The following ABLIM1 variants were observed in gnomAD, a reference collection of about 807,000 sequenced individuals.
The protein encoded by ABLIM1 is actin-binding LIM protein 1.
Under a neutral mutation model 107.0 loss-of-function variants are expected in ABLIM1, and 40 were observed. That is an observed-to-expected ratio of 0.37 (90% CI 0.29 to 0.49). The LOEUF (loss-of-function observed/expected upper bound fraction) is 0.49. Ranked by LOEUF, ABLIM1 falls within the 20% of genes least tolerant of loss-of-function variation. The pLI, the probability that ABLIM1 is intolerant of heterozygous loss-of-function variation, is 0.97. For missense variants in ABLIM1, 857 were observed against 1,008.5 expected (o/e 0.85, Z 2.04); for synonymous variants, 357 against 357.3 (o/e 1.00, Z 0.01).
intron 6 of ABLIM1, among the ~76,000 whole-genome samples, chr10:114,544,445 G>A (rs954596411): frequency 7.9e-5 from 12 of 152,216 alleles, no homozygotes; most frequent in Admixed American, 7.2e-4. Flanking sequence ...CAGGAAGAAA[G>A]CTCCCTAGCT....
chr10:114,484,456 C>T (rs919607149), intron 8 of ABLIM1, among the ~76,000 whole-genome samples: 3 of 152,122 alleles, frequency 2.0e-5, no homozygotes, highest in Non-Finnish European at 2.9e-5. Flanking sequence ...AATCTTGGCT[C>T]ACTGCAACCT....
chr10:114,614,964 C>T (rs554772478), intron 1 of ABLIM1, among the ~76,000 whole-genome samples: 6 of 151,396 alleles, frequency 4.0e-5, no homozygotes, highest in South Asian at 4.2e-4. Context: ...GCAGGAGAAT[C>T]GCTTGAACCT....
chr10:114,644,351 C>CAT (rs1265970187), intron 1 of ABLIM1, among the ~76,000 whole-genome samples: 22 of 103,912 alleles, frequency 2.1e-4, no homozygotes, highest in African/African-American at 6.5e-4. Context: ...TGTATATATA[C>CAT]ATATATATAT....
chr10:114,757,154 CATA>C (rs2082648052), intron 1 of ABLIM1, among the ~76,000 whole-genome samples: 1 of 152,064 alleles, frequency 6.6e-6, no homozygotes, highest in African/African-American at 2.4e-5. Flanking sequence ...AAAATTATCC[CATA>C]ATGAGAAACC....
At chr10:114,628,855 C>T (rs370507941) in intron 1 of ABLIM1, among the ~76,000 whole-genome samples, 1 of 151,946 alleles carries the variant, frequency 6.6e-6, no homozygotes, top group African/African-American at 2.4e-5. Flanking sequence ...ACTATAACAC[C>T]CATTAGCTAG....
chr10:114,549,164 C>T (rs187743086), intron 4 of ABLIM1, among the ~76,000 whole-genome samples: 37 of 152,308 alleles, frequency 2.4e-4, no homozygotes, highest in Admixed American at 2.1e-3. Flanking sequence ...GCGGATGGAT[C>T]ACCTGAGGTC....
At chr10:114,518,205 T>A (rs1420758260) in intron 6 of ABLIM1, among the ~76,000 whole-genome samples, 1 of 152,088 alleles carries the variant, frequency 6.6e-6, no homozygotes, top group Admixed American at 6.6e-5. Context: ...GAACTCTACA[T>A]CCTATATGAA....
At chr10:114,743,078 G>T (rs1475985056) in intron 1 of ABLIM1, among the ~76,000 whole-genome samples, 1 of 152,134 alleles carries the variant, frequency 6.6e-6, no homozygotes, top group Non-Finnish European at 1.5e-5. Context: ...CTACTAATAA[G>T]TAGTATACGT....
the ABLIM1 span, among the ~76,000 whole-genome samples, chr10:114,781,321 T>C: frequency 1.3e-5 from 2 of 151,860 alleles, no homozygotes; most frequent in African/African-American, 4.8e-5. Flanking sequence ...CTGGGCAACA[T>C]GGTGAAACCC....
chr10:114,695,958 C>A (rs2081186157), intron 1 of ABLIM1, among the ~76,000 whole-genome samples: 1 of 152,244 alleles, frequency 6.6e-6, no homozygotes, highest in Non-Finnish European at 1.5e-5. Flanking sequence ...TCTCAGCTAG[C>A]ATCCTACATG....
chr10:114,677,395 C>G (rs1313210473), intron 1 of ABLIM1, among the ~76,000 whole-genome samples: 1 of 152,176 alleles, frequency 6.6e-6, no homozygotes, highest in African/African-American at 2.4e-5. Flanking sequence ...AGCATTAAGC[C>G]TCTTATCCAA....
At chr10:114,461,920 C>T (rs1041243193) in intron 12 of ABLIM1, among the ~76,000 whole-genome samples, 1 of 152,166 alleles carries the variant, frequency 6.6e-6, no homozygotes, top group Non-Finnish European at 1.5e-5. Context: ...GCAAATGGCA[C>T]GTGTACCTTA....
intron 1 of ABLIM1, among the ~76,000 whole-genome samples, chr10:114,664,585 C>T (rs1032902527): frequency 6.6e-6 from 1 of 151,502 alleles, no homozygotes; most frequent in Admixed American, 6.6e-5. Flanking sequence ...TCGCTGTCAC[C>T]CAGGCTGGAG....
chr10:114,500,504 AC>A (rs1335322290), intron 6 of ABLIM1, among the ~76,000 whole-genome samples: 1 of 151,830 alleles, frequency 6.6e-6, no homozygotes. Context: ...ACATGGAGAA[AC>A]CCCATCTCTA....
intron 1 of ABLIM1, among the ~76,000 whole-genome samples, chr10:114,752,967 C>T (rs1173725606): frequency 6.6e-6 from 1 of 152,056 alleles, no homozygotes; most frequent in Non-Finnish European, 1.5e-5. Flanking sequence ...ATAAATAATC[C>T]AGCCTTTGGG....
intron 1 of ABLIM1, among the ~76,000 whole-genome samples, chr10:114,755,490 T>C (rs2082609938): frequency 6.6e-6 from 1 of 152,180 alleles, no homozygotes; most frequent in Non-Finnish European, 1.5e-5. Flanking sequence ...TATACCTTAC[T>C]CATTCCTGTG....
intron 1 of ABLIM1, among the ~76,000 whole-genome samples, chr10:114,708,292 G>A (rs1375347491): frequency 6.6e-6 from 1 of 152,168 alleles, no homozygotes; most frequent in Non-Finnish European, 1.5e-5. Flanking sequence ...ACCCTCTGAA[G>A]GCCATTATGA....
At chr10:114,564,552 T>C (rs930817479) in intron 4 of ABLIM1, among the ~76,000 whole-genome samples, 2 of 152,068 alleles carry the variant, frequency 1.3e-5, no homozygotes, top group African/African-American at 4.8e-5. Context: ...ATTACAGGTG[T>C]GAGCCACTGC....
At chr10:114,626,555 C>A (rs1297449873) in intron 1 of ABLIM1, among the ~76,000 whole-genome samples, 4 of 152,106 alleles carry the variant, frequency 2.6e-5, no homozygotes, top group Non-Finnish European at 5.9e-5. Flanking sequence ...TTCCTCCCAC[C>A]GACCTCCTCC....
Sources: gnomAD v4.1 joint callset for allele counts (sites outside exome capture counted in the v4.1 genomes callset) on GRCh38, gnomAD v4.1.1 for gene constraint, MANE v1.5 for transcripts, NCBI Gene and HGNC (gene_info 2026-07-23, HGNC 2026-07-21) for gene names.